Variants in MBD2 observed in about 807,000 individuals in gnomAD.
The protein encoded by MBD2 is methyl-CpG binding domain protein 2, also known as methyl-CpG-binding domain protein 2.
A neutral mutation model predicts 39.3 loss-of-function variants in MBD2; 9 were observed. The ratio of observed to expected loss-of-function variants is 0.23; its 90% confidence interval spans 0.14 to 0.40. The LOEUF (loss-of-function observed/expected upper bound fraction) is 0.40. MBD2 is among the 10% of genes least tolerant of loss of function. The pLI is 1.00. For missense variants in MBD2, 458 were observed against 532.6 expected, an observed-to-expected ratio of 0.86 and a Z score of 1.38; for synonymous variants, 233 against 211.1, an observed-to-expected ratio of 1.10 and a Z score of -0.90.
At chr18:54,219,504 C>T (rs1448179986) in intron 1 of MBD2, among the ~76,000 whole-genome samples, 1 of 152,152 alleles carries the variant, frequency 6.6e-6, no homozygotes, top group Non-Finnish European at 1.5e-5. Context: ...ATACAAGGGA[C>T]ACCAAGTTTA....
intron 3 of MBD2, among the ~76,000 whole-genome samples, chr18:54,172,419 G>A (rs2144291428): frequency 6.6e-6 from 1 of 152,268 alleles, no homozygotes; most frequent in South Asian, 2.1e-4. Flanking sequence ...ACGATGGTAT[G>A]GGAGCAAGTA....
At chr18:54,189,193 C>T (rs567082625) in intron 2 of MBD2, among the ~76,000 whole-genome samples, 182 bp from the exon 3 acceptor site, 1 of 151,764 alleles carries the variant, frequency 6.6e-6, no homozygotes. Flanking sequence ...TATGAAGTTT[C>T]CTCAAAATAT....
chr18:54,165,984 G>T, intron 4 of MBD2, 92 bp downstream of exon 4: 1 of 841,428 alleles, frequency 1.2e-6, no homozygotes. Flanking sequence ...AAGGCCTCCT[G>T]TCAGTCATTG....
chr18:54,198,821 G>A (rs114370670), intron 2 of MBD2, among the ~76,000 whole-genome samples: 2,713 of 152,286 alleles, frequency 0.018, 83 homozygotes, highest in African/African-American at 0.062. Context: ...TTCCTTCCAA[G>A]CTGACCTCTT....
At chr18:54,171,479 A>T (rs922342116) in intron 3 of MBD2, among the ~76,000 whole-genome samples, 16 of 152,230 alleles carry the variant, frequency 1.1e-4, no homozygotes, top group African/African-American at 2.2e-4. Flanking sequence ...GAAAGATTTT[A>T]AAAAATATTA....
chr18:54,196,458 G>C lies in MBD2; in HGVS notation c.703-7447C>G, dbSNP rs1024088304. On this transcript the variant is annotated intron_variant, in intron 2 of 6. Transcript: ENST00000256429. Reference sequence around the variant, plus strand: ...GCCAGAGTTTCAGCCAGATATCCTAGAACAGTCCTACTCAAACTCAGACAG... The same window carrying C: ...GCCAGAGTTTCAGCCAGATATCCTACAACAGTCCTACTCAAACTCAGACAG... Among the ~76,000 whole-genome samples the C allele has an allele frequency of 2.8e-4, 43 of 152,148 alleles. 1 individual carries two copies. The highest frequency in any genetic ancestry group is 1.0e-3 in the African/African-American group (42 of 41,416).
intron 5 of MBD2, chr18:54,160,152 C>A: frequency 2.5e-6 from 1 of 392,834 alleles, no homozygotes; most frequent in Non-Finnish European, 4.7e-6. Flanking sequence ...AGCAGATTGA[C>A]GTCAGTGACC....
chr18:54,202,613 G>A lies in MBD2; in HGVS notation c.702+2385C>T, dbSNP rs11874884. The A allele has an allele frequency of 0.027, 17,067 of 627,256 alleles. 2,583 individuals carry two copies. The African/African-American group carries it at 0.31, about 11-fold the overall frequency. 38.9% of individuals were successfully genotyped at this position (627,256 alleles called of 1,614,324 possible). A position where few individuals can be genotyped will look rare whatever the true frequency, so the allele number is the denominator to read the frequency against. Reference sequence around the variant, plus strand: ...TTAAATAAAATCAGATGCAAAAAAAGACCATGCCTCCAAAAATTAAGGCAG... The same window carrying A: ...TTAAATAAAATCAGATGCAAAAAAAAACCATGCCTCCAAAAATTAAGGCAG... On this transcript the variant is annotated intron_variant, in intron 2 of 6. Transcript: ENST00000256429.
chr18:54,203,653 T>C (rs913203514), intron 2 of MBD2, among the ~76,000 whole-genome samples: 3 of 152,202 alleles, frequency 2.0e-5, no homozygotes, highest in Non-Finnish European at 4.4e-5. Flanking sequence ...TCAGGAATTA[T>C]ATTACTGTAA....
At chr18:54,189,075 C>T (rs530458078) in intron 2 of MBD2, 64 bp from the exon 3 acceptor site, 21 of 1,077,850 alleles carry the variant, frequency 1.9e-5, no homozygotes, top group Admixed American at 1.4e-4. Context: ...TGACTTCCTA[C>T]TAATTCAATA....
chr18:54,192,829 A>G (rs1277567023), intron 2 of MBD2, among the ~76,000 whole-genome samples: 1 of 152,184 alleles, frequency 6.6e-6, no homozygotes, highest in African/African-American at 2.4e-5. Flanking sequence ...AATAAAAAAA[A>G]ATTAAAAGAA....
intron 2 of MBD2, among the ~76,000 whole-genome samples, chr18:54,192,691 ACTACT>A (rs1162487231): frequency 6.6e-6 from 1 of 152,230 alleles, no homozygotes; most frequent in African/African-American, 2.4e-5. Context: ...ACTGGAGGCA[ACTACT>A]CTAAACTGTT....
intron 1 of MBD2, among the ~76,000 whole-genome samples, chr18:54,209,888 T>TC (rs2086487620): frequency 6.6e-6 from 1 of 152,190 alleles, no homozygotes; most frequent in East Asian, 1.9e-4. Flanking sequence ...CTGTCTACCC[T>TC]CAATAATGGC....
chr18:54,223,886 C>A, intron 1 of MBD2, 132 bp downstream of exon 1: 2 of 715,964 alleles, frequency 2.8e-6, no homozygotes, highest in East Asian at 6.7e-5. Context: ...GTTCCGCCAC[C>A]TTCCACCACC....
intron 1 of MBD2, among the ~76,000 whole-genome samples, chr18:54,214,758 T>TC (rs2086542532): frequency 1.3e-5 from 2 of 150,856 alleles, no homozygotes; most frequent in Non-Finnish European, 3.0e-5. Context: ...TTTTTTTTTT[T>TC]AGACGGAGTC....
intron 1 of MBD2, among the ~76,000 whole-genome samples, chr18:54,219,120 A>C (rs558563716): frequency 6.6e-6 from 1 of 152,322 alleles, no homozygotes; most frequent in African/African-American, 2.4e-5. Context: ...CAGTCGATGA[A>C]ATTCAAATGC....
At chr18:54,194,203 A>G (rs2086345919) in intron 2 of MBD2, among the ~76,000 whole-genome samples, 1 of 130,356 alleles carries the variant, frequency 7.7e-6, no homozygotes. Flanking sequence ...CAAAGGATGC[A>G]CTTACCAGAA....
intron 1 of MBD2, among the ~76,000 whole-genome samples, chr18:54,210,866 ATTTTTTTT>A (rs74180457): frequency 1.0e-5 from 1 of 99,348 alleles, no homozygotes; most frequent in Non-Finnish European, 1.9e-5. Flanking sequence ...TCAACTTTCT[ATTTTTTTT>A]TTTTTTTTTT....
At chr18:54,207,702 A>G (rs1164084167) in intron 1 of MBD2, among the ~76,000 whole-genome samples, 1 of 152,262 alleles carries the variant, frequency 6.6e-6, no homozygotes, top group African/African-American at 2.4e-5. Context: ...CTAAATTAAT[A>G]TGAAAAATTA....
Sources: gnomAD v4.1 joint callset for allele counts (sites outside exome capture counted in the v4.1 genomes callset) on GRCh38, gnomAD v4.1.1 for gene constraint, MANE v1.5 for transcripts, NCBI Gene and HGNC (gene_info 2026-07-23, HGNC 2026-07-21) for gene names.